The following SYNJ2 variants were observed in gnomAD, a reference collection of about 807,000 sequenced individuals.
SYNJ2 encodes synaptojanin 2.
SYNJ2 carries 116 observed loss-of-function variants against 141.3 expected under a neutral mutation model. The ratio of observed to expected loss-of-function variants is 0.82; its 90% CI spans 0.71 to 0.96. The LOEUF is 0.96. Ranked by LOEUF, SYNJ2 falls within the 40% of genes least tolerant of loss-of-function variation. The probability of loss-of-function intolerance (pLI) is 0.00; values close to 1 mark genes in which losing one functional copy is unlikely to be tolerated. For missense variants in SYNJ2, 1,873 were observed against 1,934.8 expected (o/e 0.97, Z 0.60); for synonymous variants, 745 against 777.7 (o/e 0.96, Z 0.70).
At position 158,035,560 on chromosome 6, in the gene SYNJ2, T is replaced by C. The variant is rs113771920; in HGVS notation, c.711+1880T>C. ...GGTTAAGGAGATTTTGGGCTGAGAC[T>C]GTGGTGTTTTCTAGATATAGAATCA... is the stretch of plus-strand genomic sequence containing the variant. On this transcript the variant is annotated intron_variant, in intron 4 of 26. Transcript: ENST00000355585. 2.2e-3 allele frequency among the ~76,000 whole-genome samples: 339 copies of C among 152,244 alleles called. 2 individuals are homozygous for C. The highest frequency in any genetic ancestry group is 7.8e-3 in the African/African-American group (325 of 41,548).
chr6:157,981,738 G>T, upstream of SYNJ2: 1 of 321,200 alleles, frequency 3.1e-6, no homozygotes, highest in Non-Finnish European at 5.5e-6. This position sits in a 1 kb window ranked among gnomAD's most constrained non-coding sequence, Gnocchi z 6.4. Flanking sequence ...GGGGGAGCGC[G>T]GGGCCGGGCG....
chr6:158,003,817 T>C (rs1466093395), intron 1 of SYNJ2, among the ~76,000 whole-genome samples: 1 of 151,960 alleles, frequency 6.6e-6, no homozygotes, highest in East Asian at 1.9e-4. Flanking sequence ...GAGCTCTGTT[T>C]TGGGACCCAG....
intron 1 of SYNJ2, among the ~76,000 whole-genome samples, chr6:158,011,177 G>A (rs1046836793): frequency 6.6e-5 from 10 of 152,128 alleles, no homozygotes; most frequent in East Asian, 1.9e-4. Flanking sequence ...ACGCGACGAC[G>A]GAGGAAGGGA....
At chr6:158,068,581 C>T in intron 12 of SYNJ2, 66 bp from the exon 13 acceptor site, 1 of 1,574,912 alleles carries the variant, frequency 6.3e-7, no homozygotes, top group Non-Finnish European at 8.7e-7. Context: ...CACTGGGGAG[C>T]CCCATGAACT....
intron 12 of SYNJ2, chr6:158,067,718 C>T: frequency 1.0e-6 from 1 of 985,308 alleles, no homozygotes; most frequent in Non-Finnish European, 1.2e-6. Context: ...CCCATCCCTT[C>T]CTGTGCACAC....
intron 5 of SYNJ2, among the ~76,000 whole-genome samples, chr6:158,054,151 A>G (rs907982401): frequency 3.3e-5 from 5 of 149,726 alleles, no homozygotes; most frequent in African/African-American, 7.4e-5. Context: ...CCACCCATCT[A>G]TCCATCCACT....
intron 11 of SYNJ2, among the ~76,000 whole-genome samples, chr6:158,066,211 A>T (rs1480452385): frequency 6.6e-6 from 1 of 152,112 alleles, no homozygotes; most frequent in African/African-American, 2.4e-5. Context: ...AGGGGTATAG[A>T]CGGTGAGTTT....
intron 1 of SYNJ2, among the ~76,000 whole-genome samples, chr6:157,996,323 A>G (rs1313948814): frequency 6.6e-6 from 1 of 151,992 alleles, no homozygotes; most frequent in Non-Finnish European, 1.5e-5. Context: ...CATCGCTGCT[A>G]CATCGAGAGT....
chr6:158,035,286 AATG>A (rs1391641543), intron 4 of SYNJ2, among the ~76,000 whole-genome samples: 3 of 152,174 alleles, frequency 2.0e-5, no homozygotes, highest in African/African-American at 2.4e-5. Context: ...TGTCCATTTT[AATG>A]ATATTGATTC....
chr6:158,046,554 G>A (rs564624334), intron 5 of SYNJ2, among the ~76,000 whole-genome samples: 2 of 152,226 alleles, frequency 1.3e-5, no homozygotes, highest in East Asian at 1.9e-4. Context: ...AGTAGCTTGC[G>A]TATTAAGCTG....
Position 158,059,348 on chromosome 6 carries a change from T to G in SYNJ2, c.949T>G (p.Phe317Val), listed in dbSNP as rs1562366485. 1.3e-6 allele frequency: 2 copies of G among 1,550,204 alleles called. No individual in the cohort carries two copies. Among genetic ancestry groups the G allele is most frequent in the East Asian group, 4.9e-5 (2 of 40,898 alleles). ...RGGEEVLNRA[F>V]KKLLWASCHA... The stretch of plus-strand genomic sequence containing the variant: ...CGGAGAGGAGGTGCTCAACAGAGCC[T>G]TCAAGGTAAGGCCAGGCTGTCCTCT... Residue 317 changes from phenylalanine (F) to valine (V), a missense_variant, in exon 7 of 27, where the codon TTC (phenylalanine) becomes GTC (valine). Physicochemically the swap from Phe to Val is conservative, Grantham distance 50 (BLOSUM62 -1). Transcript: ENST00000355585.
Position 158,089,759 on chromosome 6 carries a change from C to A in SYNJ2, c.3457-80C>A. 3.9e-6 allele frequency: 4 copies of A among 1,036,778 alleles called. No homozygotes were observed. The Admixed American group carries it at 5.9e-5, about 15-fold the overall frequency. The allele number at this position is 1,036,778 out of a possible 1,614,324, so 64.2% of individuals were successfully genotyped here. On this transcript the variant is annotated intron_variant, in intron 24 of 26. Transcript: ENST00000355585. ...ATCGTCTGGTGGAGCCCTGCACAGA[C>A]CCACGGGTAGCAGATACGTCCCACG...
intron 3 of SYNJ2, chr6:158,030,843 C>G (rs1057245005): frequency 6.6e-6 from 1 of 152,146 alleles, no homozygotes; most frequent in Admixed American, 6.6e-5. Flanking sequence ...TGCAGTGAGC[C>G]GAGATCGCAC....
chr6:158,028,671 A>C (rs1402149611), intron 2 of SYNJ2, 85 bp from the exon 3 acceptor site: 15 of 1,548,500 alleles, frequency 9.7e-6, no homozygotes, highest in Admixed American at 9.5e-5. Context: ...GCTGCGGTTG[A>C]ACCTGGGCTC....
intron 18 of SYNJ2, chr6:158,078,788 C>CT (rs369220540): frequency 0.31 from 29,947 of 96,204 alleles, 7,313 homozygotes; most frequent in Admixed American, 0.51. Flanking sequence ...GATGCACAAC[C>CT]TTTTTTTTTT....
chr6:157,991,144 A>C (rs548469368), intron 1 of SYNJ2, among the ~76,000 whole-genome samples: 1 of 152,304 alleles, frequency 6.6e-6, no homozygotes, highest in African/African-American at 2.4e-5. Context: ...AATGATTCTA[A>C]GGAGGGGAAG....
At chr6:158,091,514 C>T (rs1276169061) in intron 25 of SYNJ2, among the ~76,000 whole-genome samples, 8 of 151,204 alleles carry the variant, frequency 5.3e-5, no homozygotes, top group East Asian at 2.0e-4. Context: ...TTTGGGAGGC[C>T]GAGGCAGGCG....
chr6:158,083,550 T>G lies in SYNJ2; in HGVS notation c.2987T>G (p.Leu996Trp), dbSNP rs747509703. Residue 996 changes from leucine (L) to tryptophan (W), a missense_variant, in exon 21 of 27, where the codon TTG becomes TGG. By Grantham distance (61) the Leu-to-Trp change is moderately conservative. Transcript: ENST00000355585. ...APVSPTANSC[L>W]LEENFDFTSL... The stretch of plus-strand genomic sequence containing the variant: ...GTGTCTCCCACTGCCAACTCCTGTT[T>G]GCTGGAGGAAAACTTTGACTTCACA... The G allele has an allele frequency of 6.2e-7, 1 of 1,614,150 alleles. No individual in the cohort carries two copies.
At chr6:158,055,883 A>G (rs990442838) in intron 6 of SYNJ2, among the ~76,000 whole-genome samples, 2 of 152,336 alleles carry the variant, frequency 1.3e-5, no homozygotes, top group Non-Finnish European at 2.9e-5. Flanking sequence ...TCAAGTATAG[A>G]CAAGACCATT....
Sources: allele counts gnomAD v4.1 joint callset (sites outside exome capture counted in the v4.1 genomes callset), GRCh38; gene constraint gnomAD v4.1.1; non-coding constraint Gnocchi (gnomAD v3.1); transcripts MANE v1.5; gene names NCBI Gene and HGNC (gene_info 2026-07-23, HGNC 2026-07-21).